The following PIGN variants were observed in gnomAD, a reference collection of about 807,000 sequenced individuals.
PIGN encodes the protein phosphatidylinositol glycan anchor biosynthesis class N.
Under a neutral mutation model 125.4 loss-of-function variants are expected in PIGN, and 117 were observed. That is an observed-to-expected ratio of 0.93 (90% CI 0.80 to 1.09). PIGN has a LOEUF of 1.09. PIGN is among the 50% of genes least tolerant of loss of function. The pLI is 0.00. For missense variants in PIGN, 1,075 were observed against 1,094.9 expected, an observed-to-expected ratio of 0.98 and a Z score of 0.26; for synonymous variants, 392 against 377.8, an observed-to-expected ratio of 1.04 and a Z score of -0.44.
In PIGN at chr18:62,042,935, A is replaced by C. The variant is rs941817569; in HGVS notation, c.*2921T>G. ...TCAAAACAAAAACGAAAAAAAAAAA[A>C]ACAAAAAACCATGCTTATACAGAAA... On this transcript the variant is annotated 3_prime_UTR_variant, in exon 31 of 31. Coordinates refer to ENST00000640252, the MANE Select transcript of PIGN (RefSeq NM_176787.5). 6.6e-6 allele frequency: 1 copy of C among 151,978 alleles called. No individual in the cohort carries two copies. The highest frequency in any genetic ancestry group is 2.4e-5 in the African/African-American group (1 of 41,344). 9.4% of individuals were successfully genotyped at this position (151,978 alleles called of 1,614,324 possible).
At chr18:62,133,658 T>G (rs1455664465) in intron 14 of PIGN, among the ~76,000 whole-genome samples, 1 of 152,180 alleles carries the variant, frequency 6.6e-6, no homozygotes, top group African/African-American at 2.4e-5. Context: ...ACAGTTTTCT[T>G]TACAATATAC....
At chr18:62,130,952 G>C (rs559328671) in intron 14 of PIGN, among the ~76,000 whole-genome samples, 1 of 152,172 alleles carries the variant, frequency 6.6e-6, no homozygotes, top group South Asian at 2.1e-4. Context: ...CATGTCATAA[G>C]TGAATAAATG....
chr18:62,182,390 A>G lies in PIGN; in HGVS notation c.-236+4454T>C, dbSNP rs142874031. ...CCATGAGCCTTGTCTACTACCTACT[A>G]AATCCTTAGTGTTCACAATCTCAGT... On this transcript the variant is annotated intron_variant, in intron 1 of 30. Transcript: ENST00000640252. Among the ~76,000 whole-genome samples, 7 of 152,316 alleles carry G rather than the reference A, an allele frequency of 4.6e-5. No individual in the cohort carries two copies. In the East Asian group the frequency reaches 1.4e-3, roughly 29 times the overall value.
chr18:62,131,549 C>A (rs1193619687), intron 14 of PIGN, among the ~76,000 whole-genome samples: 1 of 152,132 alleles, frequency 6.6e-6, no homozygotes, highest in Non-Finnish European at 1.5e-5. Context: ...CTGCCAGACC[C>A]AATTTTAGCT....
chr18:62,102,277 T>C (rs1225907869), intron 21 of PIGN, among the ~76,000 whole-genome samples: 2 of 145,504 alleles, frequency 1.4e-5, no homozygotes, highest in Non-Finnish European at 3.0e-5. Context: ...GAAATCAAAT[T>C]ACTAAAAAGT....
chr18:62,167,226 A>C (rs2037170521), intron 1 of PIGN, among the ~76,000 whole-genome samples: 1 of 133,088 alleles, frequency 7.5e-6, no homozygotes. Context: ...TATATATAAA[A>C]TCTCTCTCTA....
intron 1 of PIGN, among the ~76,000 whole-genome samples, chr18:62,174,070 T>C (rs1464291370): frequency 6.6e-6 from 1 of 151,960 alleles, no homozygotes; most frequent in Non-Finnish European, 1.5e-5. Flanking sequence ...AAAAATTAGC[T>C]GGGCATGGTG....
intron 28 of PIGN, chr18:62,075,377 AAG>A (rs1447376687): frequency 6.6e-6 from 1 of 152,250 alleles, no homozygotes; most frequent in African/African-American, 2.4e-5. Flanking sequence ...TTGTCATTTT[AAG>A]AGTGTTTTAT....
At position 62,114,417 on chromosome 18, in the gene PIGN, C is replaced by T. The variant is rs534883382; in HGVS notation, c.1251+144G>A. 5 of 592,982 alleles carry T rather than the reference C, an allele frequency of 8.4e-6. No homozygotes were observed. The African/African-American group carries it at 9.5e-5, about 11-fold the overall frequency. 36.7% of individuals were successfully genotyped at this position (592,982 alleles called of 1,614,324 possible). ...AGTTGAAATAAGAGAGATCTGTCCA[C>T]TGCTAAAGCAGCTACTCAGGAAATG... On this transcript the variant is annotated intron_variant, in intron 15 of 30. Coordinates refer to ENST00000640252, the MANE Select transcript of PIGN (RefSeq NM_176787.5).
chr18:62,104,437 C>T (rs2034562203), intron 20 of PIGN, among the ~76,000 whole-genome samples: 1 of 151,990 alleles, frequency 6.6e-6, no homozygotes, highest in Non-Finnish European at 1.5e-5. Context: ...CTATCTGAAG[C>T]AAGAAATAAA....
In PIGN at chr18:62,150,293, G is replaced by A. The variant is rs1320821316; in HGVS notation, c.550-1955C>T. On this transcript the variant is annotated intron_variant, in intron 7 of 30. Transcript: ENST00000640252. ...GCCACCGCGCCCAGCCTCTGATAGG[G>A]TTTAAAGTTAACAGTGTGAAAAAGT... 1.3e-5 allele frequency among the ~76,000 whole-genome samples: 2 copies of A among 152,094 alleles called. 1 individual carries two copies. Among genetic ancestry groups the A allele is most frequent in the South Asian group, 4.1e-4 (2 of 4,826 alleles).
At chr18:62,033,309 T>A (rs937746693) in intron 23 of PIGN, among the ~76,000 whole-genome samples, 5 of 152,108 alleles carry the variant, frequency 3.3e-5, no homozygotes, top group Non-Finnish European at 5.9e-5. Flanking sequence ...ATCACTGGAT[T>A]TGTAAAGTTG....
chr18:62,063,879 G>A (rs1401432068), intron 30 of PIGN, among the ~76,000 whole-genome samples: 4 of 144,216 alleles, frequency 2.8e-5, no homozygotes, highest in Non-Finnish European at 6.0e-5. Context: ...ATTGAACAAT[G>A]AGAACACTTG....
chr18:62,176,361 T>C (rs1054084354), intron 1 of PIGN, among the ~76,000 whole-genome samples: 2 of 152,088 alleles, frequency 1.3e-5, no homozygotes, highest in African/African-American at 2.4e-5. Flanking sequence ...CCAAGATCCA[T>C]TGATAAATGC....
chr18:62,148,961 TA>T (rs1344500938), intron 7 of PIGN, among the ~76,000 whole-genome samples: 7 of 152,188 alleles, frequency 4.6e-5, no homozygotes, highest in Non-Finnish European at 8.8e-5. Flanking sequence ...TAAATAATGA[TA>T]AACTAGATTC....
chr18:62,044,380 G>A lies in PIGN; in HGVS notation c.*1476C>T, dbSNP rs1373696293. The A allele has an allele frequency of 6.6e-6, 1 of 152,086 alleles. No individual in the cohort carries two copies. Among genetic ancestry groups the A allele is most frequent in the South Asian group, 2.1e-4 (1 of 4,828 alleles). 9.4% of individuals were successfully genotyped at this position (152,086 alleles called of 1,614,324 possible). On this transcript the variant is annotated 3_prime_UTR_variant, in exon 31 of 31. Coordinates refer to ENST00000640252, the MANE Select transcript of PIGN (RefSeq NM_176787.5). The stretch of plus-strand genomic sequence containing the variant: ...AAAAACTGATAAAAAAATCCTTTGA[G>A]GTAATATGAAAGTTCATGATTCTCA...
intron 22 of PIGN, among the ~76,000 whole-genome samples, 182 bp downstream of exon 22, chr18:62,100,893 T>C (rs892234561): frequency 2.6e-5 from 4 of 152,170 alleles, no homozygotes; most frequent in Non-Finnish European, 4.4e-5. Context: ...TGTTAACACA[T>C]GCATGAACAT....
rs34186710 is a variant in PIGN at position 62,042,923 on chromosome 18, GA to G, written c.*2932del. Reference sequence around the variant, plus strand: ...TGAGACCCTGTCTCAAAACAAAAACGAAAAAAAAAAAAACAAAAAACCATGC... The same window carrying G: ...TGAGACCCTGTCTCAAAACAAAAACGAAAAAAAAAAAACAAAAAACCATGC... On this transcript the variant is annotated 3_prime_UTR_variant, in exon 31 of 31. Transcript: ENST00000640252. 52,069 of 137,216 alleles carry G rather than the reference GA, an allele frequency of 0.38. 10,107 individuals carry two copies. Among genetic ancestry groups the G allele is most frequent in the East Asian group, 0.73 (3,599 of 4,926 alleles). 8.5% of individuals were successfully genotyped at this position (137,216 alleles called of 1,614,324 possible).
At chr18:62,091,885 C>A (rs1458576813) in intron 23 of PIGN, among the ~76,000 whole-genome samples, 1 of 152,160 alleles carries the variant, frequency 6.6e-6, no homozygotes, top group Admixed American at 6.5e-5. Context: ...GCCCAGCTCA[C>A]AAATATTTGC....
Sources: allele counts gnomAD v4.1 joint callset (sites outside exome capture counted in the v4.1 genomes callset), GRCh38; gene constraint gnomAD v4.1.1; transcripts MANE v1.5; gene names NCBI Gene and HGNC (gene_info 2026-07-23, HGNC 2026-07-21).